SLC25A21: variants seen among roughly 807,000 people sequenced by gnomAD.
SLC25A21 encodes the protein mitochondrial 2-oxodicarboxylate carrier.
A neutral mutation model predicts 43.8 loss-of-function variants in SLC25A21; 47 were observed. The ratio of observed to expected loss-of-function variants is 1.07; its 90% confidence interval spans 0.85 to 1.37. The LOEUF is 1.37. SLC25A21 is among the 40% of genes most tolerant of loss of function. The pLI is 0.00. For missense variants in SLC25A21, 352 were observed against 350.2 expected (o/e 1.00, Z -0.04); for synonymous variants, 131 against 121.3 (o/e 1.08, Z -0.52).
Position 36,697,738 on chromosome 14 carries a change from C to CTTTTTTTTTTTTTTTTTTTTTTTTTTTT in SLC25A21, c.604-12814_604-12813insAAAAAAAAAAAAAAAAAAAAAAAAAAAA, listed in dbSNP as rs757711209. On this transcript the variant is annotated intron_variant, in intron 7 of 9. Coordinates refer to ENST00000331299, the MANE Select transcript of SLC25A21 (RefSeq NM_030631.4). ...TCTGAGACTAGGATTGCAAGCCCTA[C>CTTTTTTTTTTTTTTTTTTTTTTTTTTTT]TTTTTTTTTTTGCTTTCCATTTGCT... Among the ~76,000 whole-genome samples the CTTTTTTTTTTTTTTTTTTTTTTTTTTTT allele has an allele frequency of 3.6e-5, 4 of 111,656 alleles. 1 individual carries two copies. Among genetic ancestry groups the CTTTTTTTTTTTTTTTTTTTTTTTTTTTT allele is most frequent in the Non-Finnish European group, 5.5e-5 (3 of 54,822 alleles). 73.3% of individuals were successfully genotyped at this position (111,656 alleles called of 152,430 possible). A position where few individuals can be genotyped will look rare whatever the true frequency, so the allele number is the denominator to read the frequency against.
intron 1 of SLC25A21, among the ~76,000 whole-genome samples, chr14:36,978,202 G>C (rs879609484): frequency 3.3e-5 from 5 of 152,120 alleles, no homozygotes; most frequent in Non-Finnish European, 5.9e-5. Context: ...AATTTTGATG[G>C]ATAATTCTTA....
chr14:36,998,473 A>C (rs913394290), intron 1 of SLC25A21, among the ~76,000 whole-genome samples: 2 of 152,160 alleles, frequency 1.3e-5, no homozygotes, highest in African/African-American at 4.8e-5. Context: ...ATCCACTTGG[A>C]ACAGCTTGCC....
At chr14:36,972,260 C>G (rs1204192979) in intron 1 of SLC25A21, among the ~76,000 whole-genome samples, 1 of 152,116 alleles carries the variant, frequency 6.6e-6, no homozygotes. Flanking sequence ...TAAGTACCCT[C>G]TATGATGTGT....
chr14:36,876,781 CTA>C (rs939535568), intron 1 of SLC25A21, among the ~76,000 whole-genome samples: 6 of 151,192 alleles, frequency 4.0e-5, no homozygotes, highest in Non-Finnish European at 7.4e-5. Flanking sequence ...GTTTAATATT[CTA>C]TGTTTGTTGC....
intron 2 of SLC25A21, among the ~76,000 whole-genome samples, chr14:36,814,556 A>C (rs1888386526): frequency 6.6e-6 from 1 of 152,254 alleles, no homozygotes; most frequent in South Asian, 2.1e-4. Flanking sequence ...AGCGGCCAAC[A>C]AACATGAAAA....
chr14:37,106,857 A>G (rs1962923625), intron 1 of SLC25A21, among the ~76,000 whole-genome samples: 2 of 152,130 alleles, frequency 1.3e-5, no homozygotes, highest in African/African-American at 4.8e-5. Context: ...TCTCTTTGTA[A>G]TCTTTCTCTT....
At chr14:37,109,472 T>C (rs949731758) in intron 1 of SLC25A21, among the ~76,000 whole-genome samples, 4 of 152,210 alleles carry the variant, frequency 2.6e-5, no homozygotes, top group East Asian at 3.8e-4. Context: ...ATTTATGTAA[T>C]TTCTTTTTTC....
chr14:36,970,731 T>C (rs1335368061), intron 1 of SLC25A21, among the ~76,000 whole-genome samples: 1 of 152,172 alleles, frequency 6.6e-6, no homozygotes, highest in African/African-American at 2.4e-5. Context: ...GGTCGAGCCA[T>C]GTGAAATTGC....
chr14:37,115,258 A>C (rs1158162411), intron 1 of SLC25A21, among the ~76,000 whole-genome samples: 1 of 152,208 alleles, frequency 6.6e-6, no homozygotes, highest in Non-Finnish European at 1.5e-5. Flanking sequence ...CCAAGGTCCC[A>C]CTGAAGTTTG....
At chr14:37,137,781 A>T (rs1963507317) in intron 1 of SLC25A21, among the ~76,000 whole-genome samples, 1 of 152,208 alleles carries the variant, frequency 6.6e-6, no homozygotes, top group African/African-American at 2.4e-5. Context: ...TGGAGCCATA[A>T]GGCATCAAGT....
intron 1 of SLC25A21, among the ~76,000 whole-genome samples, chr14:36,991,360 G>C (rs1594741509): frequency 1.3e-5 from 2 of 152,308 alleles, no homozygotes; most frequent in Admixed American, 1.3e-4. Flanking sequence ...CGGTGAAGCA[G>C]AGAAGCAGCA....
chr14:36,805,893 A>G (rs1298207762), intron 3 of SLC25A21, among the ~76,000 whole-genome samples: 3 of 152,146 alleles, frequency 2.0e-5, no homozygotes. Context: ...AGGCTGGGAA[A>G]TGTAGTGAGA....
chr14:36,693,909 T>A (rs115719169), intron 7 of SLC25A21, among the ~76,000 whole-genome samples: 2,369 of 151,982 alleles, frequency 0.016, 67 homozygotes, highest in African/African-American at 0.055. Context: ...TCCACCAAAA[T>A]TTTTTAAAAA....
At chr14:36,887,899 G>A (rs539149397) in intron 1 of SLC25A21, among the ~76,000 whole-genome samples, 55 of 152,220 alleles carry the variant, frequency 3.6e-4, no homozygotes, top group African/African-American at 1.3e-3. Flanking sequence ...TGACACAAGA[G>A]TCAGGAACAG....
At chr14:36,745,865 A>C (rs992212413) in intron 3 of SLC25A21, among the ~76,000 whole-genome samples, 2 of 152,210 alleles carry the variant, frequency 1.3e-5, no homozygotes, top group Non-Finnish European at 2.9e-5. Flanking sequence ...GCTCAACATC[A>C]CTAATCATCA....
At chr14:37,149,187 C>G (rs1472296550) in intron 1 of SLC25A21, among the ~76,000 whole-genome samples, 4 of 151,970 alleles carry the variant, frequency 2.6e-5, no homozygotes, top group Non-Finnish European at 4.4e-5. Context: ...TTCTCTTTTT[C>G]TTCCCTTCCT....
chr14:36,881,910 C>G (rs1890740479), intron 1 of SLC25A21, among the ~76,000 whole-genome samples: 1 of 152,124 alleles, frequency 6.6e-6, no homozygotes, highest in African/African-American at 2.4e-5. Flanking sequence ...GATCCTTTAG[C>G]ACAGTTTATT....
chr14:36,909,921 G>A (rs1891637652), intron 1 of SLC25A21, among the ~76,000 whole-genome samples: 1 of 152,070 alleles, frequency 6.6e-6, no homozygotes, highest in Admixed American at 6.6e-5. Flanking sequence ...AACATTGGCA[G>A]TACCATTCCA....
chr14:36,891,660 G>A (rs1412402199), intron 1 of SLC25A21, among the ~76,000 whole-genome samples: 2 of 152,020 alleles, frequency 1.3e-5, no homozygotes, highest in African/African-American at 2.4e-5. Flanking sequence ...GTTTCATGAT[G>A]TCACAGCAAG....
Sources: allele counts gnomAD v4.1 joint callset (sites outside exome capture counted in the v4.1 genomes callset), GRCh38; gene constraint gnomAD v4.1.1; transcripts MANE v1.5; gene names NCBI Gene and HGNC (gene_info 2026-07-23, HGNC 2026-07-21).